EBF2: variants seen among roughly 807,000 people sequenced by gnomAD.
The protein encoded by EBF2 is EBF transcription factor 2.
EBF2 carries 21 observed loss-of-function variants against 72.8 expected under a neutral mutation model. The ratio of observed to expected loss-of-function variants is 0.29; its 90% CI spans 0.20 to 0.42. The LOEUF (loss-of-function observed/expected upper bound fraction) is 0.42. EBF2 is among the 10% of genes least tolerant of loss of function. The pLI is 1.00. For synonymous variants in EBF2, 299 were observed against 274.2 expected, an observed-to-expected ratio of 1.09 and a Z score of -0.89; for missense variants, 637 against 731.2, an observed-to-expected ratio of 0.87 and a Z score of 1.49.
At chr8:25,980,128 C>T (rs1033083391) in intron 6 of EBF2, among the ~76,000 whole-genome samples, 2 of 152,180 alleles carry the variant, frequency 1.3e-5, no homozygotes, top group Non-Finnish European at 2.9e-5. Context: ...TTGGGTGCTA[C>T]CCCCTCAGAC....
chr8:25,991,801 G>A (rs767781800), intron 6 of EBF2, among the ~76,000 whole-genome samples: 10 of 151,898 alleles, frequency 6.6e-5, no homozygotes, highest in Non-Finnish European at 1.3e-4. Flanking sequence ...AGCCGAGATC[G>A]CACAACTGCA....
chr8:25,876,179 G>A (rs374165487), intron 10 of EBF2, among the ~76,000 whole-genome samples: 9 of 152,068 alleles, frequency 5.9e-5, no homozygotes, highest in South Asian at 4.2e-4. Context: ...ACCAAACACC[G>A]CATGTTCTCA....
intron 6 of EBF2, among the ~76,000 whole-genome samples, chr8:25,942,140 G>A (rs753913963): frequency 5.9e-5 from 9 of 152,180 alleles, no homozygotes; most frequent in Non-Finnish European, 4.4e-5. Flanking sequence ...CCGGAAACAC[G>A]CAGGGGGAAG....
Position 25,889,757 on chromosome 8 carries a change from G to C in EBF2, c.746C>G (p.Ser249Trp). 1 of 1,613,230 alleles carries C rather than the reference G, an allele frequency of 6.2e-7. No individual in the cohort carries two copies. The highest frequency in any genetic ancestry group is 2.2e-5 in the East Asian group (1 of 44,852). The part of the protein sequence containing the change: ...HGRRARRLDP[S>W]EATPCIKAIS... ...CTGAGCGCAGGCAGCCCTACCTTCCGATGGATCGAGTCTTCTTGCTCTCCG... is the reference window on the plus strand; with the variant it reads ...CTGAGCGCAGGCAGCCCTACCTTCCCATGGATCGAGTCTTCTTGCTCTCCG... Residue 249 changes from serine to tryptophan, a missense_variant, in exon 8 of 16, where the codon TCG (serine) becomes TGG (tryptophan). This residue lies in a region of EBF2 where 204 missense variants were observed against 301.2 expected (regional missense o/e 0.68). Transcript: ENST00000520164.
intron 6 of EBF2, among the ~76,000 whole-genome samples, chr8:25,910,738 A>C (rs1290594187): frequency 6.6e-6 from 1 of 152,134 alleles, no homozygotes; most frequent in African/African-American, 2.4e-5. Flanking sequence ...GGGGGGCTGA[A>C]TTTGTAACCT....
intron 10 of EBF2, among the ~76,000 whole-genome samples, chr8:25,879,775 T>C (rs1041371739): frequency 6.6e-6 from 1 of 152,226 alleles, no homozygotes; most frequent in Non-Finnish European, 1.5e-5. Flanking sequence ...TCTGGTCCTA[T>C]GGCTTTAAAT....
chr8:25,951,922 TATTA>T (rs947335966), intron 6 of EBF2, among the ~76,000 whole-genome samples: 2 of 152,242 alleles, frequency 1.3e-5, no homozygotes, highest in African/African-American at 4.8e-5. Context: ...ATTAATATTT[TATTA>T]ATCATTTTCA....
chr8:26,028,082 C>G (rs542814007), intron 6 of EBF2, among the ~76,000 whole-genome samples: 3 of 152,022 alleles, frequency 2.0e-5, no homozygotes, highest in African/African-American at 7.3e-5. Flanking sequence ...TTTCATGCCA[C>G]CAAACTACAC....
At chr8:25,979,354 C>T (rs1472149216) in intron 6 of EBF2, among the ~76,000 whole-genome samples, 1 of 152,220 alleles carries the variant, frequency 6.6e-6, no homozygotes, top group Admixed American at 6.5e-5. Flanking sequence ...TGCAAACCCT[C>T]GCCCTGCCCC....
At chr8:26,022,329 G>T (rs2117245844) in intron 6 of EBF2, among the ~76,000 whole-genome samples, 1 of 152,316 alleles carries the variant, frequency 6.6e-6, no homozygotes, top group East Asian at 1.9e-4. Context: ...AAAATGAGTT[G>T]TGCACGTCGT....
intron 5 of EBF2, 45 bp downstream of exon 5, chr8:26,039,983 C>T (rs1010775211): frequency 1.3e-5 from 21 of 1,594,416 alleles, no homozygotes; most frequent in Non-Finnish European, 1.8e-5. Flanking sequence ...GGGGCTGGAG[C>T]ACCTGCGGGC....
chr8:25,858,174 G>C lies in EBF2; in HGVS notation c.1528+145C>G, dbSNP rs765086707. The C allele has an allele frequency of 7.8e-6, 8 of 1,027,366 alleles. No homozygotes were observed. In the African/African-American group the frequency reaches 1.3e-4, roughly 16 times the overall value. 63.6% of individuals were successfully genotyped at this position (1,027,366 alleles called of 1,614,324 possible). On this transcript the variant is annotated intron_variant, in intron 14 of 15. Coordinates refer to ENST00000520164, the MANE Select transcript of EBF2 (RefSeq NM_022659.4). Reference sequence around the variant, plus strand: ...GTCCAGCTAAGGGAAAAGAACGAAAGGCAGGAAGGATGCTTAATCAGGAAA... The same window carrying C: ...GTCCAGCTAAGGGAAAAGAACGAAACGCAGGAAGGATGCTTAATCAGGAAA...
chr8:25,920,461 G>A (rs1039709771), intron 6 of EBF2, among the ~76,000 whole-genome samples: 1 of 152,220 alleles, frequency 6.6e-6, no homozygotes, highest in Admixed American at 6.5e-5. Context: ...CCTATTGACA[G>A]GCAAGAGGTT....
chr8:25,855,524 C>T (rs1802071373), intron 14 of EBF2, among the ~76,000 whole-genome samples: 1 of 152,168 alleles, frequency 6.6e-6, no homozygotes, highest in Non-Finnish European at 1.5e-5. Flanking sequence ...CTCTTTCTTA[C>T]TTAGTGTCTC....
chr8:25,867,169 A>G (rs1344645979), intron 10 of EBF2, among the ~76,000 whole-genome samples: 1 of 152,204 alleles, frequency 6.6e-6, no homozygotes, highest in Non-Finnish European at 1.5e-5. Context: ...TCAGGAATTT[A>G]TGTGTCCATA....
At chr8:25,946,906 A>G (rs1041682688) in intron 6 of EBF2, among the ~76,000 whole-genome samples, 2 of 152,082 alleles carry the variant, frequency 1.3e-5, no homozygotes, top group Non-Finnish European at 2.9e-5. Context: ...GGGTTAGTCT[A>G]TCATCTCACA....
Position 25,841,830 on chromosome 8 carries a change from TA to T in EBF2, c.*2778del, listed in dbSNP as rs1411362691. 6.6e-6 allele frequency: 1 copy of T among 152,182 alleles called. No individual in the cohort carries two copies. Among genetic ancestry groups the T allele is most frequent in the African/African-American group, 2.4e-5 (1 of 41,454 alleles). The allele number at this position is 152,182 out of a possible 1,614,324, so 9.4% of individuals were successfully genotyped here. ...CAAGATATTCTTTAAGTAAGACCAT[TA>T]AAAACAGTAAACAAAAAAGCTGTCT... On this transcript the variant is annotated 3_prime_UTR_variant, in exon 16 of 16. Transcript: ENST00000520164.
At chr8:25,981,104 C>T (rs28687520) in intron 6 of EBF2, among the ~76,000 whole-genome samples, 3,064 of 152,270 alleles carry the variant, frequency 0.02, 123 homozygotes, top group African/African-American at 0.069. Context: ...GCTCTGCCCC[C>T]GAAGCCTCCT....
chr8:25,916,710 C>CA (rs1318125839), intron 6 of EBF2, among the ~76,000 whole-genome samples: 10 of 152,044 alleles, frequency 6.6e-5, no homozygotes, highest in East Asian at 3.8e-4. Context: ...ATCAAAAACA[C>CA]AAAAAATGGT....
Sources: gnomAD v4.1 joint callset for allele counts (sites outside exome capture counted in the v4.1 genomes callset) on GRCh38, gnomAD v4.1.1 for gene constraint, gnomAD v4.1.1 regional missense constraint, MANE v1.5 for transcripts, NCBI Gene and HGNC (gene_info 2026-07-23, HGNC 2026-07-21) for gene names.